Variants in SUSD4 observed in about 807,000 individuals in gnomAD.
The protein encoded by SUSD4 is sushi domain containing 4.
Under a neutral mutation model 50.5 loss-of-function variants are expected in SUSD4, and 41 were observed. That is an observed-to-expected ratio of 0.81 (90% confidence interval 0.63 to 1.05). The LOEUF is 1.05. Ranked by LOEUF, SUSD4 falls within the 50% of genes least tolerant of loss-of-function variation. The probability of loss-of-function intolerance (pLI) is 0.00; values close to 1 mark genes in which losing one functional copy is unlikely to be tolerated. For synonymous variants in SUSD4, 257 were observed against 257.3 expected (o/e 1.00, Z 0.01); for missense variants, 580 against 634.7 (o/e 0.91, Z 0.93).
chr1:223,253,001 G>A (rs1318450095), intron 5 of SUSD4, among the ~76,000 whole-genome samples: 1 of 151,876 alleles, frequency 6.6e-6, no homozygotes, highest in East Asian at 1.9e-4. Context: ...TGAGACAGGA[G>A]AATCGCTTGA....
intron 2 of SUSD4, among the ~76,000 whole-genome samples, chr1:223,322,175 C>T (rs1341289): frequency 0.53 from 80,524 of 151,952 alleles, 21,342 homozygotes; most frequent in African/African-American, 0.55. Context: ...CAACTGTGGG[C>T]GATACGAAAA....
intron 6 of SUSD4, among the ~76,000 whole-genome samples, chr1:223,228,253 G>C (rs1297901292): frequency 6.6e-6 from 1 of 152,204 alleles, no homozygotes; most frequent in Non-Finnish European, 1.5e-5. Flanking sequence ...GGCAGCAAGA[G>C]CAGACCTTTC....
intron 5 of SUSD4, among the ~76,000 whole-genome samples, chr1:223,234,309 T>C (rs1423503877): frequency 2.6e-5 from 4 of 152,216 alleles, no homozygotes; most frequent in African/African-American, 9.7e-5. Context: ...TCCCTCTGGC[T>C]ATTTCCTCCT....
chr1:223,224,234 G>A (rs1431504874), intron 7 of SUSD4, among the ~76,000 whole-genome samples: 2 of 152,120 alleles, frequency 1.3e-5, no homozygotes, highest in Non-Finnish European at 2.9e-5. Context: ...CTATTCAAGA[G>A]GCTGAGGCAG....
At chr1:223,263,598 C>T in intron 5 of SUSD4, 1 of 985,208 alleles carries the variant, frequency 1.0e-6, no homozygotes, top group East Asian at 1.1e-4. Flanking sequence ...GGCTGGCCTT[C>T]TGGCTCCCTT....
chr1:223,295,893 T>C (rs1664790908), intron 2 of SUSD4, among the ~76,000 whole-genome samples: 1 of 150,966 alleles, frequency 6.6e-6, no homozygotes, highest in South Asian at 2.1e-4. Flanking sequence ...TACGATCAGA[T>C]TCGCATTTTA....
At chr1:223,308,178 GTAATC>G (rs1336241339) in intron 2 of SUSD4, among the ~76,000 whole-genome samples, 2 of 152,132 alleles carry the variant, frequency 1.3e-5, no homozygotes, top group Non-Finnish European at 2.9e-5. Flanking sequence ...ATGTTGAACT[GTAATC>G]CTCAGTGTTG....
intron 4 of SUSD4, among the ~76,000 whole-genome samples, chr1:223,268,201 A>C (rs28584917): frequency 0.039 from 5,968 of 151,674 alleles, 390 homozygotes; most frequent in African/African-American, 0.13. Flanking sequence ...CTGATTCTTA[A>C]ACTACTTTTG....
In SUSD4 at chr1:223,221,302, G is replaced by C. The variant is rs897806739; in HGVS notation, c.*890C>G. 1.8e-5 allele frequency: 7 copies of C among 393,662 alleles called. No individual in the cohort carries two copies. Among genetic ancestry groups the C allele is most frequent in the East Asian group, 1.1e-4 (3 of 27,836 alleles). The allele number at this position is 393,662 out of a possible 1,614,324, so 24.4% of individuals were successfully genotyped here. ...AACAATGACAATTGTCAACTAGAGA[G>C]AGGCTCATGATTCTGAGATAAATGT... is the stretch of plus-strand genomic sequence containing the variant. On this transcript the variant is annotated 3_prime_UTR_variant, in exon 9 of 9. Transcript: ENST00000366878.
intron 2 of SUSD4, among the ~76,000 whole-genome samples, chr1:223,300,240 C>A (rs982274225): frequency 6.6e-6 from 1 of 152,128 alleles, no homozygotes; most frequent in African/African-American, 2.4e-5. Flanking sequence ...GCATTTGTGA[C>A]CTCAGGAACA....
intron 5 of SUSD4, among the ~76,000 whole-genome samples, chr1:223,232,823 C>T (rs1463782294): frequency 2.0e-5 from 3 of 152,176 alleles, no homozygotes; most frequent in Non-Finnish European, 2.9e-5. Flanking sequence ...GGGTGTTAGG[C>T]AGCTTGTTTG....
At chr1:223,276,480 G>A (rs938275994) in intron 3 of SUSD4, among the ~76,000 whole-genome samples, 8 of 152,214 alleles carry the variant, frequency 5.3e-5, no homozygotes, top group African/African-American at 1.2e-4. Flanking sequence ...CTTGTCTGTG[G>A]TGGTCCACCT....
In SUSD4 at chr1:223,223,578, A is replaced by G. The variant is rs746310935; in HGVS notation, c.1115T>C (p.Val372Ala). Residue 372 changes from valine (V) to alanine (A), a missense_variant, in exon 8 of 9, where the codon GTG (valine) becomes GCG (alanine). Physicochemically the swap from Val to Ala is moderately conservative, Grantham distance 64 (BLOSUM62 0). Coordinates refer to ENST00000366878, the MANE Select transcript of SUSD4 (RefSeq NM_017982.4). The stretch of plus-strand genomic sequence containing the variant: ...GTCATAGGACGGGAGCATGACGGGC[A>G]CGCCGTCTACCACCACAAAGTCAGG... ...SDPDFVVVDGVPVMLPSYDEA... is the reference protein window; with the variant it reads ...SDPDFVVVDGAPVMLPSYDEA... The G allele has an allele frequency of 1.9e-6, 3 of 1,613,192 alleles. No homozygotes were observed. Among genetic ancestry groups the G allele is most frequent in the Admixed American group, 1.7e-5 (1 of 59,968 alleles).
rs1659166578 is a variant in SUSD4 at position 223,222,085 on chromosome 1, A to G, written c.*107T>C. ...AATGTGAACTGTGGTCCCCATGTAGACAAGTTAGACATTTTGCCCCCAGGC... is the reference window on the plus strand; with the variant it reads ...AATGTGAACTGTGGTCCCCATGTAGGCAAGTTAGACATTTTGCCCCCAGGC... On this transcript the variant is annotated 3_prime_UTR_variant, in exon 9 of 9. Coordinates refer to ENST00000366878, the MANE Select transcript of SUSD4 (RefSeq NM_017982.4). The G allele has an allele frequency of 2.7e-6, 3 of 1,127,868 alleles. No homozygotes were observed. Among genetic ancestry groups the G allele is most frequent in the East Asian group, 4.9e-5 (2 of 40,418 alleles). The allele number at this position is 1,127,868 out of a possible 1,614,324, so 69.9% of individuals were successfully genotyped here. A position where few individuals can be genotyped will look rare whatever the true frequency, so the allele number is the denominator to read the frequency against.
intron 2 of SUSD4, among the ~76,000 whole-genome samples, chr1:223,350,766 G>A (rs1288887805): frequency 6.6e-6 from 1 of 152,148 alleles, no homozygotes; most frequent in East Asian, 1.9e-4. Context: ...ATAAACAAGA[G>A]GAAAAGTACA....
rs1258412870 is a variant in SUSD4 at position 223,236,397 on chromosome 1, T to C, written c.725-7009A>G. On this transcript the variant is annotated intron_variant, in intron 5 of 8. Coordinates refer to ENST00000366878, the MANE Select transcript of SUSD4 (RefSeq NM_017982.4). ...TTATTTCCTTCATGCATCATGCCACTGGTGTATCTAAAAAGACATCGCCAT... is the reference window on the plus strand; with the variant it reads ...TTATTTCCTTCATGCATCATGCCACCGGTGTATCTAAAAAGACATCGCCAT... Among the ~76,000 whole-genome samples the C allele has an allele frequency of 2.0e-5, 3 of 152,222 alleles. No homozygotes were observed. The East Asian group carries it at 5.8e-4, about 29-fold the overall frequency.
intron 5 of SUSD4, among the ~76,000 whole-genome samples, chr1:223,247,460 A>G (rs1661017245): frequency 6.6e-6 from 1 of 152,182 alleles, no homozygotes; most frequent in African/African-American, 2.4e-5. Flanking sequence ...TATTCACTCA[A>G]TGCCACTAGG....
rs1194782444 is a variant in SUSD4 at position 223,256,991 on chromosome 1, A to G, written c.724+7639T>C. The stretch of plus-strand genomic sequence containing the variant: ...TGCTTCTCGTGACTGTTGTTAGGAG[A>G]GATCATGAAATAAACTACCTGCACG... On this transcript the variant is annotated intron_variant, in intron 5 of 8. Coordinates refer to ENST00000366878, the MANE Select transcript of SUSD4 (RefSeq NM_017982.4). 2.0e-5 allele frequency among the ~76,000 whole-genome samples: 3 copies of G among 152,162 alleles called. No individual in the cohort carries two copies. The East Asian group carries it at 5.8e-4, about 29-fold the overall frequency.
upstream of SUSD4, among the ~76,000 whole-genome samples, chr1:223,365,211 G>A (rs537735237): frequency 6.6e-5 from 10 of 150,944 alleles, no homozygotes; most frequent in African/African-American, 2.4e-4. Flanking sequence ...CTGTCTCTGC[G>A]CCGATTCTGG....
Sources: gnomAD v4.1 joint callset for allele counts (sites outside exome capture counted in the v4.1 genomes callset) on GRCh38, gnomAD v4.1.1 for gene constraint, MANE v1.5 for transcripts, NCBI Gene and HGNC (gene_info 2026-07-23, HGNC 2026-07-21) for gene names.